The following MACROD2 variants were observed in gnomAD, a reference collection of about 807,000 sequenced individuals.
The protein encoded by MACROD2 is mono-ADP ribosylhydrolase 2.
In MACROD2, 36 loss-of-function variants were observed where a neutral mutation model predicts 70.4. That is an observed-to-expected ratio of 0.51 (90% CI 0.39 to 0.68). The LOEUF is 0.68. MACROD2 is among the 30% of genes least tolerant of loss of function. The probability of loss-of-function intolerance (pLI) is 0.00; values close to 1 mark genes in which losing one functional copy is unlikely to be tolerated. For missense variants in MACROD2, 496 were observed against 538.4 expected (o/e 0.92, Z 0.78); for synonymous variants, 172 against 178.8 (o/e 0.96, Z 0.30).
chr20:15,682,939 G>C (rs1296312945), intron 8 of MACROD2, among the ~76,000 whole-genome samples: 2 of 151,932 alleles, frequency 1.3e-5, no homozygotes, highest in Non-Finnish European at 2.9e-5. Flanking sequence ...TGTCTTCCCT[G>C]TCAGATATCA....
intron 6 of MACROD2, among the ~76,000 whole-genome samples, chr20:15,249,430 G>A (rs1442404947): frequency 2.0e-5 from 3 of 152,108 alleles, no homozygotes; most frequent in African/African-American, 7.2e-5. Flanking sequence ...CTGCCAGAAA[G>A]ATTCACACAC....
At chr20:15,064,131 G>A (rs1415200957) in intron 5 of MACROD2, among the ~76,000 whole-genome samples, 3 of 152,088 alleles carry the variant, frequency 2.0e-5, no homozygotes, top group African/African-American at 7.2e-5. Flanking sequence ...TAGAGGGTGG[G>A]TGTATACATC....
At chr20:14,573,445 G>T (rs1001985686) in intron 4 of MACROD2, among the ~76,000 whole-genome samples, 13 of 152,140 alleles carry the variant, frequency 8.5e-5, no homozygotes, top group African/African-American at 2.9e-4. Context: ...AACTAAAATA[G>T]AAAATAAAGT....
intron 8 of MACROD2, among the ~76,000 whole-genome samples, chr20:15,676,770 G>T (rs574400427): frequency 9.2e-5 from 14 of 152,270 alleles, no homozygotes; most frequent in African/African-American, 3.4e-4. Context: ...ATGTATCAGA[G>T]CCATAAGTTT....
At position 14,027,767 on chromosome 20, in the gene MACROD2, C is replaced by T. The variant is rs185875373; in HGVS notation, c.163+25363C>T. Among the ~76,000 whole-genome samples, 668 of 152,302 alleles carry T rather than the reference C, an allele frequency of 4.4e-3. 4 individuals are homozygous for T. Among genetic ancestry groups the T allele is most frequent in the African/African-American group, 0.015 (636 of 41,558 alleles). ...GCTGCAGAACAGCAAAGATTGCTGC[C>T]TGTTCCTTCCTCTGGAAGCTTTGTC... On this transcript the variant is annotated intron_variant, in intron 2 of 17. Transcript: ENST00000684519.
chr20:15,160,974 GAC>G (rs71340212), intron 5 of MACROD2, among the ~76,000 whole-genome samples: 5 of 151,602 alleles, frequency 3.3e-5, no homozygotes, highest in African/African-American at 9.7e-5. Context: ...AGGAGTGGAT[GAC>G]ACACACATAT....
intron 5 of MACROD2, among the ~76,000 whole-genome samples, chr20:14,691,346 C>T (rs1212668975): frequency 2.0e-5 from 3 of 152,172 alleles, no homozygotes; most frequent in Admixed American, 6.5e-5. Flanking sequence ...CCCTCTATTC[C>T]TTGGGACATC....
chr20:15,893,845 G>A, intron 10 of MACROD2: 1 of 456,830 alleles, frequency 2.2e-6, no homozygotes, highest in South Asian at 1.5e-5. Context: ...AAGCAGAAGT[G>A]CAGGATAAAG....
At chr20:14,520,052 G>T (rs1198253782) in intron 4 of MACROD2, among the ~76,000 whole-genome samples, 4 of 152,086 alleles carry the variant, frequency 2.6e-5, no homozygotes, top group Admixed American at 2.0e-4. Flanking sequence ...AACAGACACG[G>T]GGGCCTTCTG....
At chr20:14,021,770 G>A (rs950138572) in intron 2 of MACROD2, among the ~76,000 whole-genome samples, 27 of 152,222 alleles carry the variant, frequency 1.8e-4, no homozygotes, top group African/African-American at 6.5e-4. Flanking sequence ...TGACAGTCCA[G>A]AGTGGGTATA....
chr20:15,867,109 A>G (rs1241418430), intron 9 of MACROD2, among the ~76,000 whole-genome samples: 3 of 152,114 alleles, frequency 2.0e-5, no homozygotes, highest in African/African-American at 7.2e-5. Context: ...TGTACTTTCA[A>G]ATGACCTTCC....
intron 8 of MACROD2, among the ~76,000 whole-genome samples, chr20:15,602,575 T>C (rs570218965): frequency 1.8e-3 from 280 of 152,230 alleles, no homozygotes; most frequent in African/African-American, 6.6e-3. Flanking sequence ...AGTGAGTTTC[T>C]TTATTAGCCC....
chr20:15,637,892 A>G (rs1434365529), intron 8 of MACROD2, among the ~76,000 whole-genome samples: 3 of 152,222 alleles, frequency 2.0e-5, no homozygotes, highest in Admixed American at 2.0e-4. Flanking sequence ...CCTTTGCCTA[A>G]TAAGTAACTA....
chr20:14,501,470 ATT>A (rs567759521), intron 4 of MACROD2, among the ~76,000 whole-genome samples: 1 of 143,282 alleles, frequency 7.0e-6, no homozygotes, highest in African/African-American at 2.6e-5. Context: ...ATACGTTTCT[ATT>A]TTTTTTTTTA....
At chr20:14,664,712 A>T (rs1188460961) in intron 4 of MACROD2, among the ~76,000 whole-genome samples, 1 of 152,104 alleles carries the variant, frequency 6.6e-6, no homozygotes, top group African/African-American at 2.4e-5. Flanking sequence ...TATAATGCCT[A>T]TTATTTTATC....
At chr20:15,965,053 A>G (rs1361840526) in intron 12 of MACROD2, among the ~76,000 whole-genome samples, 2 of 152,284 alleles carry the variant, frequency 1.3e-5, no homozygotes, top group East Asian at 1.9e-4. Context: ...TGTTTCTAAG[A>G]TGCACATTCT....
intron 13 of MACROD2, among the ~76,000 whole-genome samples, chr20:15,975,005 C>T (rs2066284480): frequency 6.6e-6 from 1 of 151,316 alleles, no homozygotes. Flanking sequence ...ACCCAAATGA[C>T]AACAAAAGAG....
At chr20:14,737,315 G>A (rs1193746943) in intron 5 of MACROD2, among the ~76,000 whole-genome samples, 1 of 152,108 alleles carries the variant, frequency 6.6e-6, no homozygotes, top group African/African-American at 2.4e-5. Context: ...AGTATTCCAT[G>A]GTGTATATGT....
chr20:15,949,255 A>G (rs1484291334), intron 12 of MACROD2, among the ~76,000 whole-genome samples: 1 of 152,224 alleles, frequency 6.6e-6, no homozygotes, highest in East Asian at 1.9e-4. Flanking sequence ...CTTCTCAAAC[A>G]TAGTAAACTT....
Sources: allele counts gnomAD v4.1 joint callset (sites outside exome capture counted in the v4.1 genomes callset), GRCh38; gene constraint gnomAD v4.1.1; transcripts MANE v1.5; gene names NCBI Gene and HGNC (gene_info 2026-07-23, HGNC 2026-07-21).